Variants in ANKRD33B observed in about 807,000 individuals in gnomAD.
ANKRD33B encodes ankyrin repeat domain-containing protein 33B.
In ANKRD33B, 6 loss-of-function variants were observed where a neutral mutation model predicts 21.5. The observed-to-expected ratio is 0.28, with a 90% CI of 0.15 to 0.55. The LOEUF (loss-of-function observed/expected upper bound fraction) is 0.55. Among genes scored for constraint, ANKRD33B ranks in the 20% least tolerant of loss-of-function variants. The pLI, the probability that ANKRD33B is intolerant of heterozygous loss-of-function variation, is 0.94. For synonymous variants in ANKRD33B, 347 were observed against 342.4 expected, an observed-to-expected ratio of 1.01 and a Z score of -0.15; for missense variants, 698 against 747.2, an observed-to-expected ratio of 0.93 and a Z score of 0.77.
chr5:10,586,938 G>A lies in ANKRD33B; in HGVS notation c.366+22105G>A, dbSNP rs532509990. On this transcript the variant is annotated intron_variant, in intron 1 of 3. Coordinates refer to ENST00000296657, the MANE Select transcript of ANKRD33B (RefSeq NM_001164440.2). The stretch of plus-strand genomic sequence containing the variant: ...TTAGCCTACTGAATTTAAAAAAGCA[G>A]TGAAGTGTTGGGGGTATGTGAAGTT... 3.9e-5 allele frequency among the ~76,000 whole-genome samples: 6 copies of A among 152,306 alleles called. No homozygotes were observed. The East Asian group carries it at 1.2e-3, about 29-fold the overall frequency.
Position 10,649,246 on chromosome 5 carries a change from TTG to T in ANKRD33B, c.638-16_638-15del, listed in dbSNP as rs1362263081. The T allele has an allele frequency of 7.3e-6, 11 of 1,505,960 alleles. No individual in the cohort carries two copies. Among genetic ancestry groups the T allele is most frequent in the Non-Finnish European group, 9.8e-6 (11 of 1,127,050 alleles). The allele number at this position is 1,505,960 out of a possible 1,614,324, so 93.3% of individuals were successfully genotyped here. A position where few individuals can be genotyped will look rare whatever the true frequency, so the allele number is the denominator to read the frequency against. On this transcript the variant is annotated intron_variant, in intron 3 of 3. Coordinates refer to ENST00000296657, the MANE Select transcript of ANKRD33B (RefSeq NM_001164440.2). ...CCTTGTTGCCGCCACCCACTTCTGT[TTG>T]TGTTTTGCGTTTTGCAGGGGCGGAT...
chr5:10,633,681 C>T (rs1005645432), intron 2 of ANKRD33B, among the ~76,000 whole-genome samples: 1 of 152,260 alleles, frequency 6.6e-6, no homozygotes, highest in Admixed American at 6.5e-5. Flanking sequence ...CCTCAGGCTC[C>T]TCTTGGCTGT....
At chr5:10,611,250 T>C (rs1479318043) in intron 1 of ANKRD33B, among the ~76,000 whole-genome samples, 2 of 152,196 alleles carry the variant, frequency 1.3e-5, no homozygotes, top group Non-Finnish European at 2.9e-5. Flanking sequence ...TGACAAAATA[T>C]TGACCTTTGT....
intron 1 of ANKRD33B, among the ~76,000 whole-genome samples, chr5:10,597,831 A>G (rs1004525295): frequency 5.9e-5 from 9 of 152,218 alleles, no homozygotes; most frequent in African/African-American, 2.2e-4. Flanking sequence ...ATCATAACAA[A>G]CAGTCTCTCA....
intron 3 of ANKRD33B, among the ~76,000 whole-genome samples, chr5:10,648,148 C>T (rs1323639096): frequency 7.0e-6 from 1 of 142,830 alleles, no homozygotes; most frequent in Admixed American, 6.9e-5. Context: ...GCCCCCTACC[C>T]ACCAGGATGA....
In ANKRD33B at chr5:10,650,926, G is replaced by A. The variant is rs1298183210; in HGVS notation, c.*813G>A. 1 of 152,294 alleles carries A rather than the reference G, an allele frequency of 6.6e-6. No individual in the cohort carries two copies. The highest frequency in any genetic ancestry group is 2.4e-5 in the African/African-American group (1 of 41,424). 9.4% of individuals were successfully genotyped at this position (152,294 alleles called of 1,614,324 possible). On this transcript the variant is annotated 3_prime_UTR_variant, in exon 4 of 4. Coordinates refer to ENST00000296657, the MANE Select transcript of ANKRD33B (RefSeq NM_001164440.2). ...TACGAAATCTTTAACATTAAAAATA[G>A]ATATGAGAAAAAAACTGTCATTCGA... is the stretch of plus-strand genomic sequence containing the variant.
intron 2 of ANKRD33B, among the ~76,000 whole-genome samples, chr5:10,631,172 C>G (rs6879533): frequency 0.021 from 3,182 of 152,298 alleles, 117 homozygotes; most frequent in African/African-American, 0.073. Context: ...GTTTGGATGG[C>G]TGGCCTCAGG....
intron 1 of ANKRD33B, among the ~76,000 whole-genome samples, chr5:10,610,701 A>G (rs1736151858): frequency 6.6e-6 from 1 of 152,244 alleles, no homozygotes. Flanking sequence ...GCTCAGATGT[A>G]CATGGAGAGC....
At chr5:10,566,320 C>T (rs1735056198) in intron 1 of ANKRD33B, among the ~76,000 whole-genome samples, 1 of 152,206 alleles carries the variant, frequency 6.6e-6, no homozygotes, top group Non-Finnish European at 1.5e-5. Flanking sequence ...GTGATTAGGG[C>T]TTGGAGCTCC....
chr5:10,571,870 A>G (rs1004004740), intron 1 of ANKRD33B, among the ~76,000 whole-genome samples: 7 of 147,770 alleles, frequency 4.7e-5, no homozygotes, highest in Non-Finnish European at 7.4e-5. Context: ...GGGTAAGATA[A>G]GGCATCCGTA....
At position 10,655,888 on chromosome 5, in the gene ANKRD33B, G is replaced by A. The variant is rs769227629; in HGVS notation, c.*5775G>A. On this transcript the variant is annotated 3_prime_UTR_variant, in exon 4 of 4. Transcript: ENST00000296657. ...GCCGCTTTCAGCCGGCACCTGCATG[G>A]GACTGCCTGGAGGGCCACGGTCCAG... 2.6e-5 allele frequency: 4 copies of A among 152,324 alleles called. No individual in the cohort carries two copies. Among genetic ancestry groups the A allele is most frequent in the Admixed American group, 6.5e-5 (1 of 15,282 alleles). The allele number at this position is 152,324 out of a possible 1,614,324, so 9.4% of individuals were successfully genotyped here.
At chr5:10,625,817 G>A (rs560017660) in intron 2 of ANKRD33B, among the ~76,000 whole-genome samples, 16 of 152,350 alleles carry the variant, frequency 1.1e-4, no homozygotes, top group African/African-American at 3.8e-4. Flanking sequence ...GAAGTCTTTG[G>A]ATCTGGGGTG....
rs1250826814 is a variant in ANKRD33B, at chr5:10,650,922, AATAGAT to A, written c.*812_*817del. ...TGGATACGAAATCTTTAACATTAAA[AATAGAT>A]ATGAGAAAAAAACTGTCATTCGATA... On this transcript the variant is annotated 3_prime_UTR_variant, in exon 4 of 4. Coordinates refer to ENST00000296657, the MANE Select transcript of ANKRD33B (RefSeq NM_001164440.2). 2.0e-5 allele frequency: 3 copies of A among 152,400 alleles called. No individual in the cohort carries two copies. The highest frequency in any genetic ancestry group is 7.2e-5 in the African/African-American group (3 of 41,470). The allele number at this position is 152,400 out of a possible 1,614,324, so 9.4% of individuals were successfully genotyped here.
intron 2 of ANKRD33B, among the ~76,000 whole-genome samples, chr5:10,623,955 T>A (rs1261312490): frequency 6.6e-6 from 1 of 152,138 alleles, no homozygotes; most frequent in African/African-American, 2.4e-5. Context: ...AAATTAGAGG[T>A]GAATACCTCT....
chr5:10,650,227 C>A lies in ANKRD33B; in HGVS notation c.*114C>A. The A allele has an allele frequency of 8.7e-7, 1 of 1,152,640 alleles. No individual in the cohort carries two copies. Among genetic ancestry groups the A allele is most frequent in the Non-Finnish European group, 1.1e-6 (1 of 876,772 alleles). 71.4% of individuals were successfully genotyped at this position (1,152,640 alleles called of 1,614,324 possible). A position where few individuals can be genotyped will look rare whatever the true frequency, so the allele number is the denominator to read the frequency against. On this transcript the variant is annotated 3_prime_UTR_variant, in exon 4 of 4. Transcript: ENST00000296657. ...ATCGCACCACTTCCGCTCCATGGACCACGGGGCTGCGCGCATTTCCAGGCT... is the reference window on the plus strand; with the variant it reads ...ATCGCACCACTTCCGCTCCATGGACAACGGGGCTGCGCGCATTTCCAGGCT...
At chr5:10,647,273 T>C (rs113863994) in intron 3 of ANKRD33B, among the ~76,000 whole-genome samples, 20 of 152,048 alleles carry the variant, frequency 1.3e-4, no homozygotes, top group African/African-American at 4.6e-4. Flanking sequence ...CCCAGCTAAT[T>C]TTTTGTGTGT....
chr5:10,618,620 C>T (rs543807762), intron 2 of ANKRD33B, among the ~76,000 whole-genome samples, 158 bp downstream of exon 2: 40 of 152,346 alleles, frequency 2.6e-4, no homozygotes, highest in African/African-American at 6.7e-4. Context: ...TGTGACCACA[C>T]GCTATGCATT....
chr5:10,644,968 C>T (rs1056136833), intron 3 of ANKRD33B, among the ~76,000 whole-genome samples: 1 of 152,310 alleles, frequency 6.6e-6, no homozygotes, highest in African/African-American at 2.4e-5. Flanking sequence ...GGGACTCAGA[C>T]CCCCTGGACC....
intron 1 of ANKRD33B, among the ~76,000 whole-genome samples, chr5:10,603,667 A>G (rs1330732638): frequency 7.2e-5 from 11 of 152,162 alleles, no homozygotes; most frequent in Non-Finnish European, 1.6e-4. Flanking sequence ...TTCAGAATCA[A>G]TTACTACTGA....
Sources: allele counts gnomAD v4.1 joint callset (sites outside exome capture counted in the v4.1 genomes callset), GRCh38; gene constraint gnomAD v4.1.1; transcripts MANE v1.5; gene names NCBI Gene and HGNC (gene_info 2026-07-23, HGNC 2026-07-21).